Variants in PALM2AKAP2 observed in about 807,000 individuals in gnomAD.
The protein encoded by PALM2AKAP2 is PALM2 and AKAP2 fusion.
Under a neutral mutation model 71.5 loss-of-function variants are expected in PALM2AKAP2, and 37 were observed. That is an observed-to-expected ratio of 0.52 (90% CI 0.40 to 0.68). The LOEUF is 0.68. Among genes scored for constraint, PALM2AKAP2 ranks in the 30% least tolerant of loss-of-function variants. The pLI is 0.00. For synonymous variants in PALM2AKAP2, 468 were observed against 478.8 expected, an observed-to-expected ratio of 0.98 and a Z score of 0.29; for missense variants, 1,224 against 1,191.8, an observed-to-expected ratio of 1.03 and a Z score of -0.40.
chr9:109,649,396 ACT>A, intron 1 of PALM2AKAP2, among the ~76,000 whole-genome samples: 1 of 151,754 alleles, frequency 6.6e-6, no homozygotes, highest in South Asian at 2.1e-4. Context: ...TAGATAGTTG[ACT>A]CTCTTTTTAA....
chr9:110,024,878 C>T, intron 7 of PALM2AKAP2: 2 of 928,832 alleles, frequency 2.2e-6, no homozygotes, highest in South Asian at 1.3e-5. Flanking sequence ...TTTTAAACAC[C>T]TATTATGCCA....
At chr9:109,676,457 T>C (rs781586785) in intron 1 of PALM2AKAP2, among the ~76,000 whole-genome samples, 33 of 152,342 alleles carry the variant, frequency 2.2e-4, no homozygotes, top group Non-Finnish European at 3.7e-4. Context: ...GTTTTGTATA[T>C]ACTGTGTTTT....
chr9:109,925,860 G>T (rs1010225742), intron 5 of PALM2AKAP2, among the ~76,000 whole-genome samples: 3 of 152,164 alleles, frequency 2.0e-5, no homozygotes, highest in African/African-American at 4.8e-5. Flanking sequence ...GCTTTACAAT[G>T]CAGGGACTTG....
At chr9:110,056,048 G>A (rs899097699) in intron 1 of PALM2AKAP2, among the ~76,000 whole-genome samples, 7 of 152,166 alleles carry the variant, frequency 4.6e-5, no homozygotes, top group South Asian at 4.1e-4. Context: ...GTGCCATGCC[G>A]TCACCCAGTA....
chr9:110,103,190 C>G (rs488969), intron 1 of PALM2AKAP2, among the ~76,000 whole-genome samples: 1 of 152,068 alleles, frequency 6.6e-6, no homozygotes. Flanking sequence ...TACGTTTGTT[C>G]GTAATTCTGT....
At chr9:109,752,339 A>G (rs996926728) in intron 1 of PALM2AKAP2, among the ~76,000 whole-genome samples, 1 of 152,108 alleles carries the variant, frequency 6.6e-6, no homozygotes, top group Admixed American at 6.6e-5. Context: ...CATGCACAGG[A>G]ATCTCCTGGG....
chr9:109,777,760 T>C (rs889472127), upstream of PALM2AKAP2, among the ~76,000 whole-genome samples: 4 of 152,196 alleles, frequency 2.6e-5, no homozygotes, highest in African/African-American at 9.6e-5. Flanking sequence ...TCTTTCCTTC[T>C]TTGTGGCTTT....
chr9:110,005,439 G>C (rs920764185), intron 6 of PALM2AKAP2, among the ~76,000 whole-genome samples: 5 of 152,212 alleles, frequency 3.3e-5, no homozygotes, highest in African/African-American at 1.2e-4. Flanking sequence ...TGCCCCTCCT[G>C]GGGGGTGCCT....
chr9:109,697,188 G>C (rs1827984610), intron 1 of PALM2AKAP2, among the ~76,000 whole-genome samples: 1 of 151,938 alleles, frequency 6.6e-6, no homozygotes, highest in South Asian at 2.1e-4. Context: ...TAGACATTAA[G>C]AAGAGAGAAG....
intron 1 of PALM2AKAP2, among the ~76,000 whole-genome samples, chr9:109,680,048 C>T (rs1170310561): frequency 6.6e-6 from 1 of 152,114 alleles, no homozygotes; most frequent in African/African-American, 2.4e-5. Context: ...GCTAATGTTA[C>T]TTTATATTTG....
chr9:109,766,323 CA>C (rs1829153231), intron 1 of PALM2AKAP2, among the ~76,000 whole-genome samples: 1 of 152,200 alleles, frequency 6.6e-6, no homozygotes, highest in Non-Finnish European at 1.5e-5. Context: ...CATTAAATGC[CA>C]AGGTCCCTGA....
intron 1 of PALM2AKAP2, among the ~76,000 whole-genome samples, chr9:109,866,445 T>C (rs1829450884): frequency 6.6e-6 from 1 of 152,216 alleles, no homozygotes; most frequent in Non-Finnish European, 1.5e-5. Context: ...GAAACTATCA[T>C]GAGAGCAGAC....
rs574927169 is a variant in PALM2AKAP2 at position 110,059,299 on chromosome 9, T to C, written c.156+10444T>C. Among the ~76,000 whole-genome samples, 3 of 152,348 alleles carry C rather than the reference T, an allele frequency of 2.0e-5. No individual in the cohort carries two copies. In the South Asian group the frequency reaches 6.2e-4, roughly 32 times the overall value. ...TGAGAGTTGCCAGAAATGTCTGCTG[T>C]CTTGTTTTTACTCTTAAATTAACTT... On this transcript the variant is annotated intron_variant, in intron 1 of 3. Transcript: ENST00000374525.
intron 6 of PALM2AKAP2, among the ~76,000 whole-genome samples, chr9:109,956,064 G>C (rs888474779): frequency 1.3e-5 from 2 of 149,208 alleles, no homozygotes; most frequent in Non-Finnish European, 1.5e-5. Context: ...GAGTGCAGTG[G>C]CATGATCTCA....
intron 1 of PALM2AKAP2, among the ~76,000 whole-genome samples, chr9:109,709,199 C>G (rs781288813): frequency 6.6e-6 from 1 of 152,214 alleles, no homozygotes; most frequent in Non-Finnish European, 1.5e-5. Flanking sequence ...GTAGCATGTT[C>G]CTTTTATTGC....
rs185969487 is a variant in PALM2AKAP2 at position 109,659,170 on chromosome 9, T to C, written c.5+18304T>C. Among the ~76,000 whole-genome samples, 190 of 152,334 alleles carry C rather than the reference T, an allele frequency of 1.2e-3. 1 individual carries two copies. The highest frequency in any genetic ancestry group is 4.4e-3 in the African/African-American group (182 of 41,576). Reference sequence around the variant, plus strand: ...TTTTTGTGTGTGAAGGAGGGATTGCTTCAGAGAATAGGTTAAACCAAACTA... The same window carrying C: ...TTTTTGTGTGTGAAGGAGGGATTGCCTCAGAGAATAGGTTAAACCAAACTA... On this transcript the variant is annotated intron_variant, in intron 1 of 6. Transcript: ENST00000374531.
chr9:109,846,955 C>G (rs573923735), intron 1 of PALM2AKAP2, among the ~76,000 whole-genome samples: 77 of 152,192 alleles, frequency 5.1e-4, no homozygotes, highest in Non-Finnish European at 1.0e-3. Flanking sequence ...TCCACAAGCT[C>G]TCTGTGATTG....
At chr9:109,705,789 G>A (rs936922758) in intron 1 of PALM2AKAP2, among the ~76,000 whole-genome samples, 3 of 152,174 alleles carry the variant, frequency 2.0e-5, no homozygotes, top group Admixed American at 1.3e-4. Flanking sequence ...TTTTAGTTGA[G>A]TCACTTAACC....
At chr9:109,838,998 G>T (rs1302360509) in intron 1 of PALM2AKAP2, among the ~76,000 whole-genome samples, 1 of 152,102 alleles carries the variant, frequency 6.6e-6, no homozygotes, top group Non-Finnish European at 1.5e-5. Context: ...CGATTCCAAT[G>T]AATAGGAAAA....
Sources: allele counts gnomAD v4.1 joint callset (sites outside exome capture counted in the v4.1 genomes callset), GRCh38; gene constraint gnomAD v4.1.1; transcripts MANE v1.5; gene names NCBI Gene and HGNC (gene_info 2026-07-23, HGNC 2026-07-21).